LRMDA: variants seen among roughly 807,000 people sequenced by gnomAD.
LRMDA encodes the protein leucine-rich melanocyte differentiation-associated protein.
In LRMDA, 18 loss-of-function variants were observed where a neutral mutation model predicts 29.8. That is an observed-to-expected ratio of 0.60 (90% CI 0.42 to 0.90). The LOEUF (loss-of-function observed/expected upper bound fraction) is 0.90. Ranked by LOEUF, LRMDA falls within the 40% of genes least tolerant of loss-of-function variation. LRMDA has a pLI of 0.00. For missense variants in LRMDA, 273 were observed against 273.9 expected (o/e 1.00, Z 0.02); for synonymous variants, 125 against 109.4 (o/e 1.14, Z -0.89).
chr10:76,271,402 T>A (rs1422058248), intron 5 of LRMDA, among the ~76,000 whole-genome samples: 2 of 151,188 alleles, frequency 1.3e-5, no homozygotes, highest in Admixed American at 6.6e-5. Context: ...AGTTAGACCC[T>A]GTCTTGGAAA....
chr10:76,351,842 A>G (rs1841180717), intron 6 of LRMDA, among the ~76,000 whole-genome samples: 1 of 152,124 alleles, frequency 6.6e-6, no homozygotes, highest in African/African-American at 2.4e-5. Context: ...GGACTCCTGT[A>G]TAGGAGCAGG....
intron 2 of LRMDA, among the ~76,000 whole-genome samples, chr10:75,553,537 T>C (rs1037949483): frequency 3.9e-5 from 6 of 152,198 alleles, no homozygotes; most frequent in Non-Finnish European, 8.8e-5. Context: ...GTCCCAGGTA[T>C]GAGACTTTTT....
chr10:76,011,176 A>G (rs1847771558), intron 2 of LRMDA, among the ~76,000 whole-genome samples: 1 of 152,104 alleles, frequency 6.6e-6, no homozygotes, highest in Non-Finnish European at 1.5e-5. Context: ...ATCCCACACT[A>G]ATTGTGGGAG....
At chr10:75,727,719 C>A (rs149475669) in intron 2 of LRMDA, among the ~76,000 whole-genome samples, 6 of 152,186 alleles carry the variant, frequency 3.9e-5, no homozygotes, top group African/African-American at 1.2e-4. Flanking sequence ...TCAGTTAATT[C>A]CTTTTCTATT....
intron 2 of LRMDA, among the ~76,000 whole-genome samples, chr10:75,849,653 T>G (rs2080872600): frequency 6.6e-6 from 1 of 152,168 alleles, no homozygotes; most frequent in Non-Finnish European, 1.5e-5. Flanking sequence ...TAAAGCATTC[T>G]GGGCTTAATA....
intron 2 of LRMDA, among the ~76,000 whole-genome samples, chr10:75,942,445 T>C (rs1304729106): frequency 6.6e-6 from 1 of 152,206 alleles, no homozygotes; most frequent in Non-Finnish European, 1.5e-5. Flanking sequence ...TTATGGCTTA[T>C]AATCAAGCTT....
At chr10:76,261,068 T>TTTC (rs1839936310) in intron 5 of LRMDA, among the ~76,000 whole-genome samples, 1 of 142,288 alleles carries the variant, frequency 7.0e-6, no homozygotes, top group Middle Eastern at 3.3e-3. Flanking sequence ...TCTTTTCTTT[T>TTTC]TTTTTTTTTT....
At chr10:75,542,479 A>T (rs2132049578) in intron 2 of LRMDA, among the ~76,000 whole-genome samples, 1 of 152,258 alleles carries the variant, frequency 6.6e-6, no homozygotes, top group African/African-American at 2.4e-5. Context: ...ATTGTGATTG[A>T]TGCTCTGTCT....
intron 2 of LRMDA, among the ~76,000 whole-genome samples, chr10:75,533,879 G>C (rs1845507656): frequency 6.6e-6 from 1 of 152,140 alleles, no homozygotes. Context: ...TTTGTCAAAA[G>C]ACAAAATAAA....
At chr10:75,446,923 C>T (rs991562180) in intron 2 of LRMDA, among the ~76,000 whole-genome samples, 5 of 152,208 alleles carry the variant, frequency 3.3e-5, no homozygotes, top group African/African-American at 1.2e-4. Context: ...TAAATACTGG[C>T]TTTGCAGCCA....
chr10:75,747,511 A>G (rs1842903516), intron 2 of LRMDA, among the ~76,000 whole-genome samples: 2 of 152,226 alleles, frequency 1.3e-5, no homozygotes, highest in Admixed American at 6.5e-5. Flanking sequence ...ACAATTGAGT[A>G]ACTACCCCTA....
At chr10:75,431,806 G>A in intron 1 of LRMDA, 52 bp downstream of exon 1, 1 of 1,301,946 alleles carries the variant, frequency 7.7e-7, no homozygotes, top group Non-Finnish European at 9.8e-7. Flanking sequence ...GCGTGGGGAG[G>A]GACAGCGGGG....
intron 6 of LRMDA, among the ~76,000 whole-genome samples, chr10:76,401,202 T>C (rs1841844414): frequency 6.6e-6 from 1 of 151,920 alleles, no homozygotes; most frequent in Admixed American, 6.5e-5. Flanking sequence ...TGAGACTCAA[T>C]GGATGGTATG....
intron 6 of LRMDA, among the ~76,000 whole-genome samples, chr10:76,554,386 C>G (rs1461216230): frequency 7.9e-5 from 12 of 152,246 alleles, no homozygotes; most frequent in Admixed American, 7.9e-4. Context: ...CTTCACCACA[C>G]AGCCCCTTTG....
At chr10:75,607,661 T>C (rs1840972364) in intron 2 of LRMDA, among the ~76,000 whole-genome samples, 2 of 152,152 alleles carry the variant, frequency 1.3e-5, no homozygotes, top group Non-Finnish European at 2.9e-5. Flanking sequence ...GGAGAATCAC[T>C]GCCTTGTTTT....
At chr10:76,428,283 A>G (rs1309043774) in intron 6 of LRMDA, among the ~76,000 whole-genome samples, 1 of 152,096 alleles carries the variant, frequency 6.6e-6, no homozygotes, top group African/African-American at 2.4e-5. Context: ...GATTGTAGTG[A>G]TATTTTGAAT....
At chr10:75,931,055 G>A (rs1211016234) in intron 2 of LRMDA, among the ~76,000 whole-genome samples, 1 of 152,172 alleles carries the variant, frequency 6.6e-6, no homozygotes, top group Non-Finnish European at 1.5e-5. Flanking sequence ...CTAAGGAACA[G>A]ACAAGAGACA....
chr10:76,000,935 G>GACTT (rs2132468915), intron 2 of LRMDA, among the ~76,000 whole-genome samples: 1 of 152,214 alleles, frequency 6.6e-6, no homozygotes, highest in South Asian at 2.1e-4. Context: ...AGAAAACAAG[G>GACTT]ACTTATTAGG....
intron 5 of LRMDA, among the ~76,000 whole-genome samples, chr10:76,157,705 A>G (rs1850563978): frequency 6.6e-6 from 1 of 152,014 alleles, no homozygotes; most frequent in South Asian, 2.1e-4. Flanking sequence ...TTTTAGCATT[A>G]GTGACAATAA....
Sources: gnomAD v4.1 joint callset for allele counts (sites outside exome capture counted in the v4.1 genomes callset) on GRCh38, gnomAD v4.1.1 for gene constraint, MANE v1.5 for transcripts, NCBI Gene and HGNC (gene_info 2026-07-23, HGNC 2026-07-21) for gene names.